The following CREB5 variants were observed in gnomAD, a reference collection of about 807,000 sequenced individuals.
The protein encoded by CREB5 is cyclic AMP-responsive element-binding protein 5.
In CREB5, 19 loss-of-function variants were observed where a neutral mutation model predicts 57.1. The observed-to-expected ratio is 0.33, with a 90% CI of 0.23 to 0.49. The LOEUF (loss-of-function observed/expected upper bound fraction) is 0.49. CREB5 is among the 20% of genes least tolerant of loss of function. CREB5 has a pLI of 0.99. For missense variants in CREB5, 579 were observed against 671.6 expected (o/e 0.86, Z 1.52); for synonymous variants, 238 against 238.3 (o/e 1.00, Z 0.01).
At chr7:28,591,499 A>G (rs754830027) in intron 5 of CREB5, among the ~76,000 whole-genome samples, 2 of 152,212 alleles carry the variant, frequency 1.3e-5, no homozygotes, top group Non-Finnish European at 2.9e-5. Context: ...AGAAACCTAC[A>G]CGGAGGAAGT....
chr7:28,814,945 C>T (rs1809339296), intron 9 of CREB5, among the ~76,000 whole-genome samples: 2 of 152,188 alleles, frequency 1.3e-5, no homozygotes, highest in South Asian at 4.1e-4. Flanking sequence ...CCCACAATAA[C>T]ATGGCTAAAT....
intron 1 of CREB5, among the ~76,000 whole-genome samples, chr7:28,319,682 C>A (rs139198750): frequency 0.01 from 1,530 of 152,160 alleles, 10 homozygotes; most frequent in Non-Finnish European, 0.014. Context: ...CCCATCAAGT[C>A]CAAAGGCAGC....
At chr7:28,783,647 A>T (rs546629942) in intron 7 of CREB5, among the ~76,000 whole-genome samples, 2 of 152,292 alleles carry the variant, frequency 1.3e-5, no homozygotes, top group African/African-American at 4.8e-5. Context: ...TGTGTCATCT[A>T]GAGTCACCAA....
chr7:28,544,474 T>G (rs1409705313), intron 4 of CREB5, among the ~76,000 whole-genome samples: 1 of 152,340 alleles, frequency 6.6e-6, no homozygotes, highest in East Asian at 1.9e-4. Flanking sequence ...TCTTTTAAAT[T>G]TAACTTTTGC....
chr7:28,318,300 G>A (rs981111628), intron 1 of CREB5, among the ~76,000 whole-genome samples: 2 of 152,182 alleles, frequency 1.3e-5, no homozygotes, highest in African/African-American at 2.4e-5. Context: ...AATCTGCAAT[G>A]TATTGGTTCC....
intron 1 of CREB5, among the ~76,000 whole-genome samples, chr7:28,433,575 G>T (rs1166987598): frequency 1.3e-5 from 2 of 152,054 alleles, no homozygotes; most frequent in Non-Finnish European, 2.9e-5. Context: ...GGGCTCAAGG[G>T]ATCCTCCCAC....
intron 2 of CREB5, among the ~76,000 whole-genome samples, chr7:28,492,377 T>TGGAAGAGGG (rs1390659656): frequency 6.6e-6 from 1 of 152,242 alleles, no homozygotes; most frequent in South Asian, 2.1e-4. Context: ...CTTTGTAATC[T>TGGAAGAGGG]CACAGAGCTC....
At chr7:28,365,230 G>A (rs1324208484) in intron 1 of CREB5, among the ~76,000 whole-genome samples, 1 of 151,998 alleles carries the variant, frequency 6.6e-6, no homozygotes, top group Non-Finnish European at 1.5e-5. Context: ...ATATCAAGAT[G>A]GCCAATTCCT....
chr7:28,670,643 T>C (rs1306120716), intron 5 of CREB5, among the ~76,000 whole-genome samples: 4 of 152,224 alleles, frequency 2.6e-5, no homozygotes, highest in Non-Finnish European at 5.9e-5. Context: ...GGAAATTGTC[T>C]TAAGTTTGTC....
At chr7:28,587,541 A>G (rs1435336137) in intron 5 of CREB5, among the ~76,000 whole-genome samples, 1 of 52,148 alleles carries the variant, frequency 1.9e-5, no homozygotes, top group East Asian at 5.2e-4. Flanking sequence ...ACCATTGTGG[A>G]GGTGGACTGG....
At position 28,304,041 on chromosome 7, in the gene CREB5, C is replaced by A. The variant is rs1583655882; in HGVS notation, c.-25+4600C>A. ...TTCCATTTGGAATGCTATAATGTGGCTCAAATGTATAAATTAAACAGTGTT... is the reference window on the plus strand; with the variant it reads ...TTCCATTTGGAATGCTATAATGTGGATCAAATGTATAAATTAAACAGTGTT... On this transcript the variant is annotated intron_variant, in intron 1 of 9. Transcript: ENST00000396299. 2.0e-5 allele frequency among the ~76,000 whole-genome samples: 3 copies of A among 152,132 alleles called. No homozygotes were observed. In the East Asian group the frequency reaches 5.8e-4, roughly 30 times the overall value.
chr7:28,414,077 C>G (rs1244765555), intron 1 of CREB5, among the ~76,000 whole-genome samples: 1 of 151,868 alleles, frequency 6.6e-6, no homozygotes, highest in African/African-American at 2.4e-5. Flanking sequence ...ATTTGTAGTT[C>G]ATTTTCTTCT....
At chr7:28,558,299 C>T (rs576865932) in intron 4 of CREB5, among the ~76,000 whole-genome samples, 3 of 152,162 alleles carry the variant, frequency 2.0e-5, no homozygotes, top group Non-Finnish European at 2.9e-5. Context: ...CAGTAAAACA[C>T]CCACTTCCCA....
intron 5 of CREB5, among the ~76,000 whole-genome samples, chr7:28,663,858 A>C (rs1007264247): frequency 6.6e-6 from 1 of 152,162 alleles, no homozygotes; most frequent in Non-Finnish European, 1.5e-5. Flanking sequence ...CATGTGCTTT[A>C]GTACTGCAGG....
intron 1 of CREB5, among the ~76,000 whole-genome samples, chr7:28,456,960 G>A (rs1030900477): frequency 6.6e-6 from 1 of 152,200 alleles, no homozygotes; most frequent in African/African-American, 2.4e-5. Flanking sequence ...TCATGGTTCT[G>A]GAGGCCAAGG....
intron 5 of CREB5, among the ~76,000 whole-genome samples, chr7:28,620,531 C>T (rs1272324610): frequency 1.3e-5 from 2 of 152,176 alleles, no homozygotes; most frequent in African/African-American, 4.8e-5. Context: ...AGGGAATTCT[C>T]TCAGGTAGTG....
intron 1 of CREB5, among the ~76,000 whole-genome samples, chr7:28,435,002 C>T (rs58370929): frequency 0.017 from 2,629 of 151,808 alleles, 86 homozygotes; most frequent in African/African-American, 0.059. Context: ...TTAGATCATA[C>T]GCACCTTAAG....
intron 5 of CREB5, among the ~76,000 whole-genome samples, chr7:28,654,190 G>T (rs1799246138): frequency 1.3e-5 from 2 of 152,170 alleles, no homozygotes; most frequent in East Asian, 3.9e-4. Context: ...ATATACTATA[G>T]CACATACTCC....
intron 5 of CREB5, among the ~76,000 whole-genome samples, chr7:28,628,917 T>C (rs1298611229): frequency 6.6e-6 from 1 of 152,108 alleles, no homozygotes; most frequent in Non-Finnish European, 1.5e-5. Context: ...TTTAACTACA[T>C]TAAAAACAAA....
Sources: allele counts gnomAD v4.1 joint callset (sites outside exome capture counted in the v4.1 genomes callset), GRCh38; gene constraint gnomAD v4.1.1; transcripts MANE v1.5; gene names NCBI Gene and HGNC (gene_info 2026-07-23, HGNC 2026-07-21).